NRG2: variants seen among roughly 807,000 people sequenced by gnomAD.
The protein encoded by NRG2 is neuregulin 2.
In NRG2, 27 loss-of-function variants were observed where a neutral mutation model predicts 73.9. The observed-to-expected ratio is 0.37, with a 90% confidence interval of 0.27 to 0.50. NRG2 has a LOEUF of 0.50. Ranked by LOEUF, NRG2 falls within the 20% of genes least tolerant of loss-of-function variation. The pLI, the probability that NRG2 is intolerant of heterozygous loss-of-function variation, is 0.96. For missense variants in NRG2, 1,126 were observed against 1,210.1 expected (o/e 0.93, Z 1.03); for synonymous variants, 532 against 541.0 (o/e 0.98, Z 0.23).
chr5:139,886,269 T>C (rs1763865376), intron 2 of NRG2, among the ~76,000 whole-genome samples: 1 of 152,214 alleles, frequency 6.6e-6, no homozygotes, highest in South Asian at 2.1e-4. Flanking sequence ...CCCTGACTCC[T>C]TTAACCTCTT....
chr5:139,861,374 C>G (rs184984769), intron 5 of NRG2, among the ~76,000 whole-genome samples: 7 of 152,220 alleles, frequency 4.6e-5, no homozygotes, highest in Non-Finnish European at 1.0e-4. Flanking sequence ...CATCCCTGGA[C>G]CTCTCATCTA....
intron 9 of NRG2, 41 bp from the exon 10 acceptor site, chr5:139,848,738 GCCGGCGC>G: frequency 1.5e-6 from 2 of 1,309,240 alleles, no homozygotes; most frequent in South Asian, 1.8e-5. Flanking sequence ...GCCAGGCCGG[GCCGGCGC>G]GGGGGAGGGG....
chr5:139,938,896 GAAAGA>G (rs1753090954), intron 1 of NRG2, among the ~76,000 whole-genome samples: 1 of 70,186 alleles, frequency 1.4e-5, no homozygotes, highest in Non-Finnish European at 2.7e-5. Context: ...AAGAAAGAAA[GAAAGA>G]AAGAAAAGAA....
chr5:139,886,540 A>G (rs1335716058), intron 2 of NRG2, among the ~76,000 whole-genome samples: 1 of 152,238 alleles, frequency 6.6e-6, no homozygotes, highest in Non-Finnish European at 1.5e-5. Context: ...TCAGAGAGGG[A>G]AGGCCACTAG....
At chr5:139,990,978 G>C (rs1193866692) in intron 1 of NRG2, among the ~76,000 whole-genome samples, 1 of 152,002 alleles carries the variant, frequency 6.6e-6, no homozygotes, top group Non-Finnish European at 1.5e-5. Context: ...CGGTCTTTTG[G>C]TATATAATAA....
At position 140,043,182 on chromosome 5, in the gene NRG2, A is replaced by G. The variant is rs1762108618; in HGVS notation, c.-113T>C. 2 of 1,263,258 alleles carry G rather than the reference A, an allele frequency of 1.6e-6. No homozygotes were observed. The highest frequency in any genetic ancestry group is 3.1e-5 in the South Asian group (2 of 64,738). The allele number at this position is 1,263,258 out of a possible 1,614,324, so 78.3% of individuals were successfully genotyped here. The stretch of plus-strand genomic sequence containing the variant: ...TAACGTTAGCGCCTCTTAGCCCTCC[A>G]CCGGCAGCCCGGGGAGGTGGCCCAG... On this transcript the variant is annotated 5_prime_UTR_variant, in exon 1 of 10. Coordinates refer to ENST00000361474, the MANE Select transcript of NRG2 (RefSeq NM_004883.3). This position sits in a 1 kb window ranked among gnomAD's most constrained non-coding sequence, Gnocchi z 6.7.
chr5:139,851,525 G>T lies in NRG2; in HGVS notation c.1772+79C>A. On this transcript the variant is annotated intron_variant, in intron 9 of 9. Coordinates refer to ENST00000361474, the MANE Select transcript of NRG2 (RefSeq NM_004883.3). This position sits in a 1 kb window ranked among gnomAD's most constrained non-coding sequence, Gnocchi z 4.2. Reference sequence around the variant, plus strand: ...TGAGGCTCTTTGGAGTGTTTCTGAGGGGCCCTAAGGGTCAGCCTTGGGCCA... The same window carrying T: ...TGAGGCTCTTTGGAGTGTTTCTGAGTGGCCCTAAGGGTCAGCCTTGGGCCA... The T allele has an allele frequency of 7.5e-7, 1 of 1,335,392 alleles. No homozygotes were observed. 82.7% of individuals were successfully genotyped at this position (1,335,392 alleles called of 1,614,324 possible).
At chr5:139,890,402 T>C (rs1367322331) in intron 1 of NRG2, among the ~76,000 whole-genome samples, 1 of 152,180 alleles carries the variant, frequency 6.6e-6, no homozygotes, top group Admixed American at 6.5e-5. Flanking sequence ...TTCCCCTCAG[T>C]TACCTGCTTT....
chr5:140,001,447 AT>A (rs908427726), intron 1 of NRG2, among the ~76,000 whole-genome samples: 2 of 152,330 alleles, frequency 1.3e-5, no homozygotes, highest in African/African-American at 4.8e-5. Flanking sequence ...AACATATAGC[AT>A]TGTACCTTAT....
At chr5:140,026,785 A>G (rs1760724886) in intron 1 of NRG2, among the ~76,000 whole-genome samples, 1 of 152,182 alleles carries the variant, frequency 6.6e-6, no homozygotes. Flanking sequence ...GATGATTTTG[A>G]CATTTCTAAC....
At chr5:140,013,704 C>T (rs1343513597) in intron 1 of NRG2, among the ~76,000 whole-genome samples, 1 of 152,138 alleles carries the variant, frequency 6.6e-6, no homozygotes, top group Non-Finnish European at 1.5e-5. Context: ...CTTTAACCCC[C>T]ACTACTGCAC....
intron 5 of NRG2, among the ~76,000 whole-genome samples, chr5:139,860,367 C>T (rs1397627961): frequency 6.6e-6 from 1 of 151,254 alleles, no homozygotes; most frequent in East Asian, 1.9e-4. Context: ...TCATTGGGGG[C>T]CCAATTTTTT....
chr5:139,927,548 G>C (rs1471039002), intron 1 of NRG2, among the ~76,000 whole-genome samples: 1 of 152,078 alleles, frequency 6.6e-6, no homozygotes, highest in African/African-American at 2.4e-5. Context: ...CGGATCACCT[G>C]AGGTTAGGAG....
rs200668592 is a variant in NRG2 at position 139,848,487 on chromosome 5, C to CCCGGGT, written c.1977_1982dup (p.Pro666_Gly667dup). The CCCGGGT allele has an allele frequency of 3.0e-5, 41 of 1,349,270 alleles. No individual in the cohort carries two copies. The East Asian group carries it at 1.1e-3, about 38-fold the overall frequency. The allele number at this position is 1,349,270 out of a possible 1,614,324, so 83.6% of individuals were successfully genotyped here. ...TGTCTGCGCCGGGCCCGGGCCCGGGCCCGGGTCCGGGTCCCGGGCCGGGGG... is the reference window on the plus strand; with the variant it reads ...TGTCTGCGCCGGGCCCGGGCCCGGGCCCGGGTCCGGGTCCGGGTCCCGGGCCGGGGG... On this transcript the variant is annotated inframe_insertion, in exon 10 of 10. Transcript: ENST00000361474.
intron 2 of NRG2, among the ~76,000 whole-genome samples, chr5:139,886,092 A>G (rs567108089): frequency 1.2e-3 from 180 of 152,326 alleles, no homozygotes; most frequent in African/African-American, 4.2e-3. Context: ...GGCCATGGCA[A>G]GTTCCTTAGG....
intron 1 of NRG2, among the ~76,000 whole-genome samples, chr5:139,974,397 G>A (rs902164690): frequency 2.0e-5 from 3 of 152,092 alleles, no homozygotes; most frequent in African/African-American, 7.2e-5. Flanking sequence ...TACCCCAAAA[G>A]GCACAAGCCA....
At chr5:140,036,852 C>T (rs778062338) in intron 1 of NRG2, among the ~76,000 whole-genome samples, 24 of 152,312 alleles carry the variant, frequency 1.6e-4, no homozygotes, top group Middle Eastern at 3.4e-3. Context: ...TTCAATGATA[C>T]TGATATCACC....
intron 1 of NRG2, among the ~76,000 whole-genome samples, chr5:140,017,587 G>A (rs1243553261): frequency 1.3e-5 from 2 of 152,212 alleles, no homozygotes; most frequent in Non-Finnish European, 1.5e-5. Context: ...ATGCTGACAG[G>A]TGAAATAATA....
chr5:139,992,926 T>C (rs1757743319), intron 1 of NRG2, among the ~76,000 whole-genome samples: 1 of 152,168 alleles, frequency 6.6e-6, no homozygotes, highest in Non-Finnish European at 1.5e-5. Context: ...TGGTTTTGCC[T>C]AATTTTTAGT....
Sources: gnomAD v4.1 joint callset for allele counts (sites outside exome capture counted in the v4.1 genomes callset) on GRCh38, gnomAD v4.1.1 for gene constraint, Gnocchi (gnomAD v3.1) non-coding constraint, MANE v1.5 for transcripts, NCBI Gene and HGNC (gene_info 2026-07-23, HGNC 2026-07-21) for gene names.